Variants in ASIC2 observed in about 807,000 individuals in gnomAD.
ASIC2 encodes acid sensing ion channel subunit 2.
A neutral mutation model predicts 57.3 loss-of-function variants in ASIC2; 25 were observed. The observed-to-expected ratio is 0.44, with a 90% confidence interval of 0.32 to 0.61. The LOEUF (loss-of-function observed/expected upper bound fraction) is 0.61, where lower values mean the gene tolerates loss of function less well. Ranked by LOEUF, ASIC2 falls within the 20% of genes least tolerant of loss-of-function variation. The pLI, the probability that ASIC2 is intolerant of heterozygous loss-of-function variation, is 0.06. For missense variants in ASIC2, 641 were observed against 738.1 expected (o/e 0.87, Z 1.52); for synonymous variants, 319 against 307.5 (o/e 1.04, Z -0.39).
At chr17:33,931,866 G>A (rs1036815219) in intron 1 of ASIC2, among the ~76,000 whole-genome samples, 10 of 152,156 alleles carry the variant, frequency 6.6e-5, no homozygotes, top group African/African-American at 1.9e-4. Flanking sequence ...AGCGCTGTTC[G>A]GCCGTTCTCA....
In ASIC2 at chr17:33,436,498, T is replaced by TA. The variant is rs150472204; in HGVS notation, c.556-324432_556-324431insT. Reference sequence around the variant, plus strand: ...CCAGACTTGTGACTCATGGCTCAACTGGTCCTGTGGCCTCCACCCAGAGAA... The same window carrying TA: ...CCAGACTTGTGACTCATGGCTCAACTAGGTCCTGTGGCCTCCACCCAGAGAA... On this transcript the variant is annotated intron_variant, in intron 1 of 9. Transcript: ENST00000359872. Among the ~76,000 whole-genome samples the TA allele has an allele frequency of 8.3e-3, 1,257 of 152,250 alleles. 18 individuals are homozygous for TA. The highest frequency in any genetic ancestry group is 0.029 in the African/African-American group (1,198 of 41,540).
intron 1 of ASIC2, among the ~76,000 whole-genome samples, chr17:33,128,857 G>T (rs903817513): frequency 6.6e-6 from 1 of 152,184 alleles, no homozygotes; most frequent in Admixed American, 6.5e-5. Context: ...CATAATTCCA[G>T]TATCTGCCCT....
chr17:33,090,571 G>T (rs2092153814), intron 2 of ASIC2, among the ~76,000 whole-genome samples: 2 of 152,150 alleles, frequency 1.3e-5, no homozygotes, highest in Non-Finnish European at 2.9e-5. Context: ...GCAGGAAGGA[G>T]AGAAGATAAT....
intron 1 of ASIC2, among the ~76,000 whole-genome samples, chr17:33,589,242 T>C (rs1451222768): frequency 6.6e-6 from 1 of 152,116 alleles, no homozygotes; most frequent in Non-Finnish European, 1.5e-5. Context: ...ACGAGTACAG[T>C]ATGTTCCCAG....
At chr17:33,145,731 A>G (rs1175896678) in intron 1 of ASIC2, among the ~76,000 whole-genome samples, 1 of 152,250 alleles carries the variant, frequency 6.6e-6, no homozygotes, top group Non-Finnish European at 1.5e-5. Context: ...ATTCAATGAC[A>G]TGATAATCAA....
intron 1 of ASIC2, among the ~76,000 whole-genome samples, chr17:34,096,536 C>T (rs576815963): frequency 6.9e-4 from 105 of 152,144 alleles, no homozygotes; most frequent in Non-Finnish European, 1.2e-3. Context: ...GGAAAAATCC[C>T]ATTGATCATA....
chr17:33,868,189 G>GTGTA (rs1555568217), intron 1 of ASIC2, among the ~76,000 whole-genome samples: 1,247 of 73,542 alleles, frequency 0.017, 10 homozygotes, highest in African/African-American at 0.03. Context: ...GTATGTGTGT[G>GTGTA]TGTGTATGTG....
At chr17:33,143,171 T>C (rs916271309) in intron 1 of ASIC2, among the ~76,000 whole-genome samples, 10 of 152,222 alleles carry the variant, frequency 6.6e-5, no homozygotes, top group Non-Finnish European at 1.5e-4. Flanking sequence ...CTTAGACCGC[T>C]GAGTCTTTCT....
chr17:33,988,666 T>C (rs1905906558), intron 1 of ASIC2, among the ~76,000 whole-genome samples: 1 of 151,916 alleles, frequency 6.6e-6, no homozygotes, highest in African/African-American at 2.4e-5. Flanking sequence ...GTATTTTTGT[T>C]GTTGTTGTTT....
chr17:33,789,600 A>T (rs1056828951), intron 1 of ASIC2, among the ~76,000 whole-genome samples: 3 of 152,118 alleles, frequency 2.0e-5, no homozygotes, highest in Non-Finnish European at 4.4e-5. Flanking sequence ...ATATTTTGAT[A>T]ACATTTGCAA....
At chr17:33,127,043 G>T (rs2092326288) in intron 1 of ASIC2, among the ~76,000 whole-genome samples, 1 of 149,922 alleles carries the variant, frequency 6.7e-6, no homozygotes, top group African/African-American at 2.5e-5. Context: ...AATTTTTTTT[G>T]TATTTTTAGT....
At chr17:34,016,423 CAAAAAAAAA>C (rs398041640) in intron 1 of ASIC2, among the ~76,000 whole-genome samples, 7 of 41,450 alleles carry the variant, frequency 1.7e-4, no homozygotes, top group African/African-American at 5.0e-4. Context: ...GACTCCGTCT[CAAAAAAAAA>C]AAAAAAAAAA....
chr17:33,363,685 T>C (rs926930294), intron 1 of ASIC2, among the ~76,000 whole-genome samples: 2 of 152,192 alleles, frequency 1.3e-5, no homozygotes, highest in Non-Finnish European at 2.9e-5. Context: ...CTCTGGGGGA[T>C]GAGTGTTGGG....
At chr17:33,941,959 T>C (rs986004445) in intron 1 of ASIC2, among the ~76,000 whole-genome samples, 2 of 152,094 alleles carry the variant, frequency 1.3e-5, no homozygotes, top group African/African-American at 2.4e-5. Flanking sequence ...GTTGGGGAGA[T>C]ATATAACACA....
chr17:33,015,384 G>A (rs1337337606), intron 9 of ASIC2, among the ~76,000 whole-genome samples: 1 of 152,192 alleles, frequency 6.6e-6, no homozygotes, highest in East Asian at 1.9e-4. Flanking sequence ...GGCAGAGTAG[G>A]GCAGTGGTTA....
chr17:34,121,010 G>A (rs1911601664), intron 1 of ASIC2, among the ~76,000 whole-genome samples: 1 of 152,030 alleles, frequency 6.6e-6, no homozygotes, highest in Admixed American at 6.5e-5. Context: ...AAAGTGCTGG[G>A]ATTACAGGCG....
intron 1 of ASIC2, among the ~76,000 whole-genome samples, chr17:33,995,382 A>G (rs977571493): frequency 1.3e-5 from 2 of 152,070 alleles, no homozygotes; most frequent in Non-Finnish European, 2.9e-5. Flanking sequence ...TCCCCTGTCC[A>G]TCCTTTACCC....
intron 1 of ASIC2, among the ~76,000 whole-genome samples, chr17:33,198,959 T>G (rs145370186): frequency 6.6e-6 from 1 of 152,298 alleles, no homozygotes; most frequent in South Asian, 2.1e-4. Flanking sequence ...CTCTTTTGAT[T>G]TAACCTTGCT....
chr17:33,912,670 C>G (rs1429450138), intron 1 of ASIC2, among the ~76,000 whole-genome samples: 4 of 152,058 alleles, frequency 2.6e-5, no homozygotes, highest in African/African-American at 4.8e-5. Flanking sequence ...TAGAGACTGT[C>G]AATAGCATTT....
Sources: gnomAD v4.1 joint callset for allele counts (sites outside exome capture counted in the v4.1 genomes callset) on GRCh38, gnomAD v4.1.1 for gene constraint, MANE v1.5 for transcripts, NCBI Gene and HGNC (gene_info 2026-07-23, HGNC 2026-07-21) for gene names.